The following NEO1 variants were observed in gnomAD, a reference collection of about 807,000 sequenced individuals.
The protein encoded by NEO1 is neogenin.
A neutral mutation model predicts 159.7 loss-of-function variants in NEO1; 63 were observed. The ratio of observed to expected loss-of-function variants is 0.39; its 90% CI spans 0.32 to 0.49. NEO1 has a LOEUF of 0.49. NEO1 is among the 20% of genes least tolerant of loss of function. The pLI, the probability that NEO1 is intolerant of heterozygous loss-of-function variation, is 0.85. For synonymous variants in NEO1, 633 were observed against 662.0 expected (o/e 0.96, Z 0.67); for missense variants, 1,615 against 1,831.0 (o/e 0.88, Z 2.15).
At chr15:73,171,480 C>G (rs1342652631) in intron 5 of NEO1, among the ~76,000 whole-genome samples, 1 of 151,968 alleles carries the variant, frequency 6.6e-6, no homozygotes, top group African/African-American at 2.4e-5. Context: ...AGGAGGATTA[C>G]TTGAGTCTGG....
chr15:73,299,450 A>G (rs987140531), intron 27 of NEO1, among the ~76,000 whole-genome samples: 3 of 151,600 alleles, frequency 2.0e-5, no homozygotes, highest in Admixed American at 1.3e-4. Context: ...CAGTGGGGCA[A>G]TCTCGGCTCA....
chr15:73,116,563 C>T lies in NEO1; in HGVS notation c.154C>T (p.Pro52Ser), dbSNP rs777827352. The T allele has an allele frequency of 6.5e-7, 1 of 1,539,786 alleles. No individual in the cohort carries two copies. The highest frequency in any genetic ancestry group is 2.3e-5 in the East Asian group (1 of 43,750). ...SPGASIRTFT[P>S]FYFLVEPVDT... ...AGGAGCCAGCATTCGAACGTTCACT[C>T]CATTTTATTTTCTGGTGGAGCCGGT... The change falls in exon 2 of 29, where the codon CCA becomes TCA. Residue 52 changes from proline (P) to serine (S), a missense_variant. By Grantham distance (74) the Pro-to-Ser change is moderately conservative (BLOSUM62 -1). Around this residue, in one of 3 missense-constraint regions of NEO1, gnomAD observed 1,018 missense variants for 1,115.4 expected, o/e 0.91. Coordinates refer to ENST00000261908, the MANE Select transcript of NEO1 (RefSeq NM_002499.4).
At chr15:73,171,838 T>G (rs545256602) in intron 5 of NEO1, among the ~76,000 whole-genome samples, 13 of 151,948 alleles carry the variant, frequency 8.6e-5, no homozygotes, top group South Asian at 8.3e-4. Context: ...GACGGGTTTT[T>G]GCCAAGTTGG....
chr15:73,090,075 A>G (rs1195578249), intron 1 of NEO1, among the ~76,000 whole-genome samples: 1 of 152,220 alleles, frequency 6.6e-6, no homozygotes, highest in Non-Finnish European at 1.5e-5. Context: ...ATGGAGAACT[A>G]TGTAGCTGTT....
chr15:73,213,727 C>A (rs899767323), intron 7 of NEO1, among the ~76,000 whole-genome samples: 1 of 152,166 alleles, frequency 6.6e-6, no homozygotes, highest in East Asian at 1.9e-4. Context: ...CTGCTATAAA[C>A]GTGCACATGA....
chr15:73,294,952 AT>A (rs1447972705), intron 26 of NEO1, among the ~76,000 whole-genome samples: 1 of 151,620 alleles, frequency 6.6e-6, no homozygotes, highest in Non-Finnish European at 1.5e-5. Context: ...CTATTACCTG[AT>A]TTGGAGAATG....
intron 7 of NEO1, among the ~76,000 whole-genome samples, chr15:73,215,385 T>A: frequency 6.6e-6 from 1 of 152,212 alleles, no homozygotes; most frequent in South Asian, 2.1e-4. Flanking sequence ...TTTCAACTTT[T>A]CCCCATTCAG....
Position 73,052,568 on chromosome 15 carries a change from C to G in NEO1, c.-108C>G. The G allele has an allele frequency of 1.6e-6, 1 of 638,300 alleles. No individual in the cohort carries two copies. The highest frequency in any genetic ancestry group is 2.1e-6 in the Non-Finnish European group (1 of 475,786). The allele number at this position is 638,300 out of a possible 1,614,324, so 39.5% of individuals were successfully genotyped here. On this transcript the variant is annotated 5_prime_UTR_variant, in exon 1 of 29. Coordinates refer to ENST00000261908, the MANE Select transcript of NEO1 (RefSeq NM_002499.4). ...CGGGCTGGGCTGGAGCAGCGGCGGC[C>G]GCGGGAGCCGAGCTTGCAGCGAGGG...
At chr15:73,260,226 A>G (rs1308672811) in intron 14 of NEO1, 45 bp from the exon 15 acceptor site, 2 of 1,544,978 alleles carry the variant, frequency 1.3e-6, no homozygotes, top group East Asian at 2.3e-5. Flanking sequence ...GAGATATTTT[A>G]AAGGACAGTA....
At chr15:73,241,818 C>T (rs1843314079) in intron 8 of NEO1, among the ~76,000 whole-genome samples, 2 of 152,146 alleles carry the variant, frequency 1.3e-5, no homozygotes, top group African/African-American at 4.8e-5. Context: ...AGTGTCAGAT[C>T]ACCTATGACT....
intron 7 of NEO1, among the ~76,000 whole-genome samples, chr15:73,210,170 G>A (rs1282695792): frequency 6.6e-6 from 1 of 152,178 alleles, no homozygotes; most frequent in Non-Finnish European, 1.5e-5. Flanking sequence ...GACACAAAAG[G>A]ACTATTGAAA....
intron 1 of NEO1, among the ~76,000 whole-genome samples, chr15:73,060,411 G>T (rs2067921624): frequency 6.6e-6 from 1 of 151,826 alleles, no homozygotes; most frequent in African/African-American, 2.4e-5. Context: ...CTACAGGCGT[G>T]CACCACCACA....
At position 73,052,664 on chromosome 15, in the gene NEO1, C is replaced by T. The variant is rs1333093870; in HGVS notation, c.-12C>T. ...GCTGTCGCCGCCGCTGCCGCTCACT[C>T]TCGGGGAAGAGATGGCGGCGGAGCG... On this transcript the variant is annotated 5_prime_UTR_variant, in exon 1 of 29. Coordinates refer to ENST00000261908, the MANE Select transcript of NEO1 (RefSeq NM_002499.4). 7.6e-7 allele frequency: 1 copy of T among 1,321,464 alleles called. No homozygotes were observed. The highest frequency in any genetic ancestry group is 9.7e-7 in the Non-Finnish European group (1 of 1,028,190). The allele number at this position is 1,321,464 out of a possible 1,614,324, so 81.9% of individuals were successfully genotyped here.
chr15:73,298,467 G>A lies in NEO1; in HGVS notation c.4021G>A (p.Glu1341Lys). 3 of 1,614,198 alleles carry A rather than the reference G, an allele frequency of 1.9e-6. No homozygotes were observed. The highest frequency in any genetic ancestry group is 1.1e-5 in the South Asian group (1 of 91,082). ...CTCCTCTTACTTGGCCAGCTCCCAAGAGGAAGATTCAGGCCAGAGTCTTCC... is the reference window on the plus strand; with the variant it reads ...CTCCTCTTACTTGGCCAGCTCCCAAAAGGAAGATTCAGGCCAGAGTCTTCC... Reference protein sequence around the residue: ...TSSSYLASSQEEDSGQSLPTA... With the variant: ...TSSSYLASSQKEDSGQSLPTA... Residue 1341 changes from glutamate to lysine, a missense_variant, in exon 27 of 29, where the codon GAG (glutamate) becomes AAG (lysine). This residue lies in a region of NEO1 where 471 missense variants were observed against 498.9 expected (regional missense o/e 0.94). Transcript: ENST00000261908.
intron 1 of NEO1, among the ~76,000 whole-genome samples, chr15:73,074,793 C>T (rs1350543530): frequency 6.6e-6 from 1 of 152,120 alleles, no homozygotes; most frequent in Non-Finnish European, 1.5e-5. Flanking sequence ...CTCCTTGACA[C>T]TGTTTGCTTT....
intron 7 of NEO1, among the ~76,000 whole-genome samples, chr15:73,220,622 C>T (rs547523316): frequency 1.4e-4 from 21 of 152,232 alleles, no homozygotes; most frequent in South Asian, 1.0e-3. Context: ...AGGATTTGTT[C>T]GTTTCTTTTT....
At chr15:73,142,537 T>A (rs1249257949) in intron 5 of NEO1, among the ~76,000 whole-genome samples, 2 of 150,438 alleles carry the variant, frequency 1.3e-5, no homozygotes, top group African/African-American at 4.9e-5. Context: ...CAAGAAGGCT[T>A]CAGAGGTCCC....
chr15:73,161,009 A>G (rs2034133268), intron 5 of NEO1, among the ~76,000 whole-genome samples: 1 of 152,158 alleles, frequency 6.6e-6, no homozygotes, highest in Non-Finnish European at 1.5e-5. Context: ...GACTTGTCTT[A>G]TTATAGGACA....
At chr15:73,148,836 T>G (rs564622866) in intron 5 of NEO1, among the ~76,000 whole-genome samples, 16 of 151,930 alleles carry the variant, frequency 1.1e-4, no homozygotes, top group African/African-American at 3.1e-4. Context: ...TGAAATCATA[T>G]CAGTGGTTTT....
Sources: gnomAD v4.1 joint callset for allele counts (sites outside exome capture counted in the v4.1 genomes callset) on GRCh38, gnomAD v4.1.1 for gene constraint, gnomAD v4.1.1 regional missense constraint, MANE v1.5 for transcripts, NCBI Gene and HGNC (gene_info 2026-07-23, HGNC 2026-07-21) for gene names.